EXOC4: variants seen among roughly 807,000 people sequenced by gnomAD.
The protein encoded by EXOC4 is SEC8-like 1.
A neutral mutation model predicts 107.2 loss-of-function variants in EXOC4; 71 were observed. That is an observed-to-expected ratio of 0.66 (90% confidence interval 0.55 to 0.81). The LOEUF (loss-of-function observed/expected upper bound fraction) is 0.81. Among genes scored for constraint, EXOC4 ranks in the 30% least tolerant of loss-of-function variants. The probability of loss-of-function intolerance (pLI) is 0.00; values close to 1 mark genes in which losing one functional copy is unlikely to be tolerated. For synonymous variants in EXOC4, 456 were observed against 441.2 expected (o/e 1.03, Z -0.42); for missense variants, 1,108 against 1,189.6 (o/e 0.93, Z 1.01).
intron 9 of EXOC4, among the ~76,000 whole-genome samples, chr7:133,603,854 C>T (rs899128347): frequency 6.6e-6 from 1 of 152,122 alleles, no homozygotes; most frequent in Admixed American, 6.6e-5. Context: ...TATTAATAAA[C>T]AGCTTACTGT....
At chr7:133,444,448 A>C in intron 7 of EXOC4, among the ~76,000 whole-genome samples, 1 of 152,192 alleles carries the variant, frequency 6.6e-6, no homozygotes, top group African/African-American at 2.4e-5. Context: ...AACAAGATAG[A>C]ACAAGATAGA....
At chr7:133,546,450 T>G (rs903299621) in intron 9 of EXOC4, among the ~76,000 whole-genome samples, 2 of 151,852 alleles carry the variant, frequency 1.3e-5, no homozygotes, top group Admixed American at 6.6e-5. Flanking sequence ...TGAGATGAGG[T>G]TTACCATGTT....
chr7:133,918,518 C>G (rs1023876634), intron 13 of EXOC4, among the ~76,000 whole-genome samples: 3 of 152,342 alleles, frequency 2.0e-5, no homozygotes, highest in Middle Eastern at 3.4e-3. Flanking sequence ...CTGGAAAATA[C>G]AAATGTGCTT....
intron 10 of EXOC4, among the ~76,000 whole-genome samples, chr7:133,801,297 A>G (rs1260188477): frequency 2.6e-5 from 4 of 152,312 alleles, no homozygotes; most frequent in Admixed American, 2.6e-4. Context: ...AATGAAATCT[A>G]CCTTCAATTA....
At chr7:133,627,268 T>C (rs1453470537) in intron 9 of EXOC4, among the ~76,000 whole-genome samples, 1 of 152,178 alleles carries the variant, frequency 6.6e-6, no homozygotes, top group Non-Finnish European at 1.5e-5. Context: ...CTCCAGATGG[T>C]AGCGCAGTGT....
At chr7:133,698,254 T>C (rs574667004) in intron 10 of EXOC4, among the ~76,000 whole-genome samples, 5 of 152,140 alleles carry the variant, frequency 3.3e-5, no homozygotes, top group Non-Finnish European at 7.4e-5. Flanking sequence ...TTAAAAAACA[T>C]TGTGTATAGT....
chr7:133,762,213 C>T (rs1443462214), intron 10 of EXOC4, among the ~76,000 whole-genome samples: 1 of 152,024 alleles, frequency 6.6e-6, no homozygotes, highest in East Asian at 1.9e-4. Flanking sequence ...GCTTCAGAAT[C>T]CTGAAGGCTA....
intron 7 of EXOC4, among the ~76,000 whole-genome samples, chr7:133,441,658 G>T (rs570051476): frequency 2.6e-5 from 4 of 152,260 alleles, no homozygotes; most frequent in African/African-American, 9.6e-5. Flanking sequence ...CTCCCAAAGT[G>T]CTGGGATTAC....
chr7:133,526,075 G>T (rs2150916389), intron 9 of EXOC4, among the ~76,000 whole-genome samples: 1 of 152,306 alleles, frequency 6.6e-6, no homozygotes, highest in Admixed American at 6.5e-5. Context: ...CTATAGTGCT[G>T]CTGAGGCTCC....
rs182447133 is a variant in EXOC4, at chr7:134,040,008, G to A, written c.2688-24283G>A. ...CCTTAGATTTCACATTACACAAATT[G>A]CCAACACCTCTCTATGGCTCACCCA... On this transcript the variant is annotated intron_variant, in intron 17 of 17. Coordinates refer to ENST00000253861, the MANE Select transcript of EXOC4 (RefSeq NM_021807.4). 1.7e-3 allele frequency among the ~76,000 whole-genome samples: 258 copies of A among 152,202 alleles called. 1 individual carries two copies. Among genetic ancestry groups the A allele is most frequent in the African/African-American group, 6.0e-3 (251 of 41,542 alleles).
chr7:134,085,398 G>T, the EXOC4 span, among the ~76,000 whole-genome samples: 1 of 151,736 alleles, frequency 6.6e-6, no homozygotes, highest in Non-Finnish European at 1.5e-5. Context: ...AAAATCCAAG[G>T]AGGATTTATG....
rs775762504 is a variant in EXOC4, at chr7:133,997,575, G to A, written c.2290G>A (p.Ala764Thr). 1 of 1,613,678 alleles carries A rather than the reference G, an allele frequency of 6.2e-7. No individual in the cohort carries two copies. Among genetic ancestry groups the A allele is most frequent in the South Asian group, 1.1e-5 (1 of 91,070 alleles). ...GATCATGCAGACTCTCAGTGAACTT[G>A]CCAAATCGTTCCAGGATATGGCTGA... ...EQIMQTLSEL[A>T]KSFQDMADRC... Residue 764 changes from alanine to threonine, a missense_variant, in exon 15 of 18, where the codon GCC becomes ACC. By Grantham distance (58) the Ala-to-Thr change is moderately conservative (BLOSUM62 0). Coordinates refer to ENST00000253861, the MANE Select transcript of EXOC4 (RefSeq NM_021807.4).
chr7:134,008,122 A>G (rs753236735), intron 17 of EXOC4, among the ~76,000 whole-genome samples: 1 of 152,166 alleles, frequency 6.6e-6, no homozygotes, highest in Non-Finnish European at 1.5e-5. Flanking sequence ...TGCTCATTGC[A>G]TAAAATATAT....
At chr7:133,797,635 G>A (rs1796844604) in intron 10 of EXOC4, among the ~76,000 whole-genome samples, 1 of 152,174 alleles carries the variant, frequency 6.6e-6, no homozygotes, top group African/African-American at 2.4e-5. Context: ...GGCTGCATGT[G>A]TCTGGTGGGG....
At chr7:133,945,593 G>A (rs1800531072) in intron 14 of EXOC4, among the ~76,000 whole-genome samples, 1 of 152,126 alleles carries the variant, frequency 6.6e-6, no homozygotes, top group African/African-American at 2.4e-5. Flanking sequence ...AGGGCACAAG[G>A]AATCTGTGTC....
At chr7:133,795,823 G>A (rs1796801704) in intron 10 of EXOC4, among the ~76,000 whole-genome samples, 1 of 152,066 alleles carries the variant, frequency 6.6e-6, no homozygotes, top group South Asian at 2.1e-4. Flanking sequence ...TTATATTTGG[G>A]GGTATTAATT....
At chr7:133,526,805 A>G (rs1410919753) in intron 9 of EXOC4, among the ~76,000 whole-genome samples, 1 of 152,032 alleles carries the variant, frequency 6.6e-6, no homozygotes, top group East Asian at 1.9e-4. Context: ...CCTCGCCTCC[A>G]CTAAAAATAC....
At chr7:133,739,152 T>G (rs1795507810) in intron 10 of EXOC4, among the ~76,000 whole-genome samples, 2 of 152,078 alleles carry the variant, frequency 1.3e-5, no homozygotes, top group Non-Finnish European at 2.9e-5. Flanking sequence ...ACAAAAGACA[T>G]TTTATGAAAG....
chr7:133,484,567 A>G (rs976262401), intron 9 of EXOC4, among the ~76,000 whole-genome samples: 1 of 152,176 alleles, frequency 6.6e-6, no homozygotes, highest in Non-Finnish European at 1.5e-5. Flanking sequence ...AAAACAATCT[A>G]AAGACTACCA....
Sources: gnomAD v4.1 joint callset for allele counts (sites outside exome capture counted in the v4.1 genomes callset) on GRCh38, gnomAD v4.1.1 for gene constraint, MANE v1.5 for transcripts, NCBI Gene and HGNC (gene_info 2026-07-23, HGNC 2026-07-21) for gene names.